Variants in UPP2 observed in about 807,000 individuals in gnomAD.
UPP2 encodes UPase 2.
Under a neutral mutation model 26.7 loss-of-function variants are expected in UPP2, and 23 were observed. The observed-to-expected ratio is 0.86, with a 90% CI of 0.62 to 1.22. The LOEUF (loss-of-function observed/expected upper bound fraction) is 1.22, where lower values mean the gene tolerates loss of function less well. UPP2 is among the 50% of genes most tolerant of loss of function. UPP2 has a pLI of 0.00. For synonymous variants in UPP2, 127 were observed against 141.3 expected, an observed-to-expected ratio of 0.90 and a Z score of 0.72; for missense variants, 387 against 396.7, an observed-to-expected ratio of 0.98 and a Z score of 0.21.
chr2:158,042,322 C>T (rs1010555577), intron 3 of UPP2, among the ~76,000 whole-genome samples: 27 of 152,158 alleles, frequency 1.8e-4, no homozygotes, highest in Non-Finnish European at 3.2e-4. Flanking sequence ...CAACCCCCCT[C>T]GCTTTTTTTC....
intron 2 of UPP2, among the ~76,000 whole-genome samples, chr2:157,999,331 A>G (rs1404413133): frequency 6.6e-6 from 1 of 152,152 alleles, no homozygotes; most frequent in Non-Finnish European, 1.5e-5. Flanking sequence ...GGTGCCTGCC[A>G]CCACACCCAG....
At chr2:158,005,495 C>A (rs1398408768) in intron 2 of UPP2, among the ~76,000 whole-genome samples, 1 of 152,118 alleles carries the variant, frequency 6.6e-6, no homozygotes, top group Non-Finnish European at 1.5e-5. Context: ...AGGTGGAAAA[C>A]AACAGAATCA....
intron 3 of UPP2, among the ~76,000 whole-genome samples, chr2:158,079,870 T>C (rs1334475089): frequency 6.6e-6 from 1 of 152,154 alleles, no homozygotes; most frequent in East Asian, 1.9e-4. Context: ...CTGTATTCTG[T>C]GAAGTGTATC....
At position 158,074,844 on chromosome 2, in the gene UPP2, T is replaced by A. The variant is rs1244505189; in HGVS notation, c.148-27196T>A. ...GACTGAGAGAATTTTTTTTTTTTTT[T>A]TAAAAGACCAATTGACCTGTTGCCT... On this transcript the variant is annotated intron_variant, in intron 3 of 9. Coordinates refer to the UPP2 transcript ENST00000605860. Among the ~76,000 whole-genome samples, 22 of 150,906 alleles carry A rather than the reference T, an allele frequency of 1.5e-4. 1 individual carries two copies. Among genetic ancestry groups the A allele is most frequent in the Admixed American group, 9.2e-4 (14 of 15,154 alleles).
upstream of UPP2, among the ~76,000 whole-genome samples, chr2:158,099,699 C>A (rs111472650): frequency 6.6e-6 from 1 of 152,288 alleles, no homozygotes; most frequent in Non-Finnish European, 1.5e-5. Flanking sequence ...AGTTGTACAT[C>A]AAGACTGTGC....
intron 3 of UPP2, among the ~76,000 whole-genome samples, chr2:158,054,386 T>TG (rs1558915985): frequency 2.4e-4 from 5 of 21,248 alleles, no homozygotes; most frequent in African/African-American, 4.1e-4. Context: ...TATTTTGAGG[T>TG]TTTTTTTTTT....
At chr2:158,050,803 T>C (rs549972588) in intron 3 of UPP2, among the ~76,000 whole-genome samples, 1 of 152,328 alleles carries the variant, frequency 6.6e-6, no homozygotes, top group African/African-American at 2.4e-5. Flanking sequence ...TAACTGAATA[T>C]GAACTATTGA....
rs138769279 is a variant in UPP2, at chr2:158,102,120, T to C, written c.57T>C (p.Tyr19=). 663 of 1,611,998 alleles carry C rather than the reference T, an allele frequency of 4.1e-4. 2 individuals are homozygous for C. The Middle Eastern group carries it at 0.013, about 31-fold the overall frequency. ...NRSMRSDRNT[Y]VGKRFVHVKN... is the part of the protein sequence containing the mutation. ...CCATGAGATCTGACAGGAATACATATGTTGGGTGAGTAATTTTGATTTTGT... is the reference window on the plus strand; with the variant it reads ...CCATGAGATCTGACAGGAATACATACGTTGGGTGAGTAATTTTGATTTTGT... Residue 19 remains tyrosine (Y), a synonymous_variant, in exon 1 of 7, where the codon TAT becomes TAC. Transcript: ENST00000005756.
chr2:158,016,354 T>C (rs1489220454), intron 3 of UPP2, among the ~76,000 whole-genome samples: 1 of 152,056 alleles, frequency 6.6e-6, no homozygotes, highest in African/African-American at 2.4e-5. Flanking sequence ...TGATTTTTTT[T>C]TTTGAGACAG....
intron 3 of UPP2, among the ~76,000 whole-genome samples, chr2:158,021,909 A>T (rs1251965301): frequency 6.6e-6 from 1 of 152,188 alleles, no homozygotes; most frequent in African/African-American, 2.4e-5. Context: ...ATGAGATCAG[A>T]TCATTATCAT....
chr2:158,090,436 G>T (rs1409970530), intron 3 of UPP2, among the ~76,000 whole-genome samples: 1 of 152,148 alleles, frequency 6.6e-6, no homozygotes, highest in Non-Finnish European at 1.5e-5. Flanking sequence ...GGGAGGCGGA[G>T]CTTGCAGTGA....
chr2:158,117,925 A>T lies in UPP2; in HGVS notation c.441A>T (p.Thr147=). Residue 147 remains threonine, a synonymous_variant, in exon 4 of 7, where the codon ACA becomes ACT. Coordinates refer to ENST00000005756, the MANE Select transcript of UPP2 (RefSeq NM_173355.4). ...ATGTCACCATTATTAGAATCGGTAC[A>T]TCAGGGGGAATAGGTGAGACGGATT... ...CCDVTIIRIG[T]SGGIGIAPGT... is the part of the protein sequence containing the mutation. The T allele has an allele frequency of 6.2e-7, 1 of 1,609,942 alleles. No individual in the cohort carries two copies. Among genetic ancestry groups the T allele is most frequent in the African/African-American group, 1.3e-5 (1 of 74,958 alleles).
intron 3 of UPP2, among the ~76,000 whole-genome samples, chr2:158,037,822 G>A (rs543916318): frequency 9.0e-6 from 1 of 111,540 alleles, no homozygotes; most frequent in African/African-American, 3.5e-5. Flanking sequence ...GGTACTGGGG[G>A]TTAATATTTT....
At position 158,134,764 on chromosome 2, in the gene UPP2, GAC is replaced by G. The variant is rs763605241; in HGVS notation, c.831_832del (p.Leu278SerfsTer7). ...CTCTTCTAGCTGCTGTGGTCTGTGTGACACTTCTCGACAGACTCGACTGTGAT... is the reference window on the plus strand; with the variant it reads ...CTCTTCTAGCTGCTGTGGTCTGTGTGACTTCTCGACAGACTCGACTGTGAT... Reference protein sequence around the residue: ...CGLKAAVVCVTLLDRLDCDQI... With the variant: ...CGLKAAVVCVXLLDRLDCDQI... On this transcript the variant is annotated frameshift_variant, in exon 7 of 7. Coordinates refer to ENST00000005756, the MANE Select transcript of UPP2 (RefSeq NM_173355.4). LOFTEE classifies it low-confidence loss of function (END_TRUNC). 1.6e-5 allele frequency: 26 copies of G among 1,611,390 alleles called. No homozygotes were observed. The highest frequency in any genetic ancestry group is 2.1e-5 in the Non-Finnish European group (25 of 1,178,734).
chr2:158,129,642 T>G (rs1198665471), intron 6 of UPP2, among the ~76,000 whole-genome samples: 1 of 150,960 alleles, frequency 6.6e-6, no homozygotes, highest in Non-Finnish European at 1.5e-5. Context: ...CTGTACTGCC[T>G]CTATTTAAAA....
chr2:158,134,661 T>A, intron 6 of UPP2, 87 bp from the exon 7 acceptor site: 1 of 1,424,018 alleles, frequency 7.0e-7, no homozygotes, highest in Non-Finnish European at 9.3e-7. Flanking sequence ...AAAGTACATG[T>A]GCTAGGGATG....
chr2:158,052,009 C>T (rs1422796596), intron 3 of UPP2, among the ~76,000 whole-genome samples: 1 of 152,184 alleles, frequency 6.6e-6, no homozygotes, highest in Non-Finnish European at 1.5e-5. Flanking sequence ...CCCTGCTACC[C>T]ACAGTGGATA....
At chr2:158,089,528 G>C (rs1001951032) in intron 3 of UPP2, among the ~76,000 whole-genome samples, 12 of 152,192 alleles carry the variant, frequency 7.9e-5, no homozygotes, top group African/African-American at 2.4e-4. Flanking sequence ...AGGAAACTTT[G>C]CACTCGGTTG....
chr2:157,997,725 AGCC>A (rs1683343405), intron 2 of UPP2, among the ~76,000 whole-genome samples: 1 of 152,218 alleles, frequency 6.6e-6, no homozygotes, highest in African/African-American at 2.4e-5. Flanking sequence ...GAAATAGCCC[AGCC>A]ATTTCTGAGA....
Sources: gnomAD v4.1 joint callset for allele counts (sites outside exome capture counted in the v4.1 genomes callset) on GRCh38, gnomAD v4.1.1 for gene constraint, MANE v1.5 for transcripts, NCBI Gene and HGNC (gene_info 2026-07-23, HGNC 2026-07-21) for gene names.